Variants in FARP2 observed in about 807,000 individuals in gnomAD.
The protein encoded by FARP2 is FERM, ARHGEF and pleckstrin domain-containing protein 2.
FARP2 carries 111 observed loss-of-function variants against 130.5 expected under a neutral mutation model. The observed-to-expected ratio is 0.85, with a 90% CI of 0.73 to 1.00. The LOEUF (loss-of-function observed/expected upper bound fraction) is 1.00, where lower values mean the gene tolerates loss of function less well. FARP2 is among the 50% of genes least tolerant of loss of function. FARP2 has a pLI of 0.00. For synonymous variants in FARP2, 504 were observed against 516.9 expected (o/e 0.98, Z 0.34); for missense variants, 1,385 against 1,346.3 (o/e 1.03, Z -0.45).
At chr2:241,361,989 C>A (rs2061198154) in intron 1 of FARP2, among the ~76,000 whole-genome samples, 3 of 151,770 alleles carry the variant, frequency 2.0e-5, no homozygotes. Context: ...CCGCCTCCCA[C>A]ATTCAAGCGA....
chr2:241,491,602 C>T lies in FARP2; in HGVS notation c.2710C>T (p.Arg904Trp), dbSNP rs374237544. The T allele has an allele frequency of 8.1e-6, 13 of 1,613,608 alleles. No homozygotes were observed. The highest frequency in any genetic ancestry group is 2.7e-5 in the African/African-American group (2 of 74,920). Residue 904 changes from arginine (R) to tryptophan (W), a missense_variant, in exon 24 of 27, where the codon CGG (arginine) becomes TGG (tryptophan). Transcript: ENST00000264042. Reference sequence around the variant, plus strand: ...CTCCCTGGAGGGGCATGGCCAGCACCGGGCCAACACCACAATGCACGTGTG... The same window carrying T: ...CTCCCTGGAGGGGCATGGCCAGCACTGGGCCAACACCACAATGCACGTGTG... ...RSSLEGHGQH[R>W]ANTTMHVCWY...
chr2:241,448,890 C>T (rs1341880086), intron 13 of FARP2, among the ~76,000 whole-genome samples: 1 of 152,228 alleles, frequency 6.6e-6, no homozygotes, highest in East Asian at 1.9e-4. Flanking sequence ...GAAAGCTGTG[C>T]CATGCATCAC....
chr2:241,427,714 T>A (rs73004368), intron 8 of FARP2, among the ~76,000 whole-genome samples: 6,812 of 152,234 alleles, frequency 0.045, 255 homozygotes, highest in Non-Finnish European at 0.059. Context: ...TGAGCTATTG[T>A]TGGCCCACTT....
intron 2 of FARP2, among the ~76,000 whole-genome samples, chr2:241,396,908 A>G (rs1275992669): frequency 6.6e-6 from 1 of 152,228 alleles, no homozygotes; most frequent in East Asian, 1.9e-4. Flanking sequence ...GGCACTATTC[A>G]CAATGGCAAA....
chr2:241,406,025 C>T (rs533549022), intron 4 of FARP2, among the ~76,000 whole-genome samples: 12 of 151,984 alleles, frequency 7.9e-5, no homozygotes, highest in South Asian at 4.2e-4. Context: ...AACTGGGGGC[C>T]GGGCACGGTG....
At chr2:241,366,123 G>GTATATATATATACATATATATATATA (rs2061308421) in intron 1 of FARP2, among the ~76,000 whole-genome samples, 1 of 88,030 alleles carries the variant, frequency 1.1e-5, no homozygotes, top group Non-Finnish European at 2.2e-5. Flanking sequence ...ATATATATAC[G>GTATATATATATACATATATATATATA]TATATATATA....
At chr2:241,403,498 C>G (rs1481498347) in intron 2 of FARP2, among the ~76,000 whole-genome samples, 1 of 152,174 alleles carries the variant, frequency 6.6e-6, no homozygotes, top group Non-Finnish European at 1.5e-5. Context: ...AGGCGTGAGC[C>G]ACCGCACCTG....
At chr2:241,414,469 C>A (rs767695940) in intron 7 of FARP2, among the ~76,000 whole-genome samples, 1 of 152,142 alleles carries the variant, frequency 6.6e-6, no homozygotes, top group Non-Finnish European at 1.5e-5. Context: ...AAGGCTCTAC[C>A]GGGACCTGCT....
At chr2:241,424,275 G>A (rs1212598883) in intron 8 of FARP2, among the ~76,000 whole-genome samples, 1 of 152,136 alleles carries the variant, frequency 6.6e-6, no homozygotes, top group Non-Finnish European at 1.5e-5. Context: ...TTACACCACA[G>A]CACAATCAAA....
At chr2:241,362,297 G>C (rs961019444) in intron 1 of FARP2, among the ~76,000 whole-genome samples, 1 of 151,466 alleles carries the variant, frequency 6.6e-6, no homozygotes, top group African/African-American at 2.4e-5. Flanking sequence ...ATGGAACCCA[G>C]AGAGTGTTTA....
At chr2:241,420,134 T>C (rs1391674503) in intron 8 of FARP2, among the ~76,000 whole-genome samples, 1 of 152,158 alleles carries the variant, frequency 6.6e-6, no homozygotes, top group Non-Finnish European at 1.5e-5. Context: ...CTGGGCACCT[T>C]GAGTGAGACC....
chr2:241,395,342 A>C (rs558675590), intron 2 of FARP2: 2 of 152,182 alleles, frequency 1.3e-5, no homozygotes, highest in African/African-American at 4.8e-5. Flanking sequence ...CTAAAAATAT[A>C]TCTCTATACC....
intron 18 of FARP2, among the ~76,000 whole-genome samples, chr2:241,470,284 G>A (rs1399927912): frequency 6.6e-6 from 1 of 152,242 alleles, no homozygotes; most frequent in Admixed American, 6.5e-5. Context: ...GATGTTAAGT[G>A]TATGTTGTTG....
chr2:241,493,361 C>T lies in FARP2; in HGVS notation c.2964C>T (p.Gly988=). ...TGAGCATCCCCAGGGAGGCCGATGG[C>T]ATACACAAAGACTATGTTTTCAAGC... The part of the protein sequence containing the change: ...YSVSIPREAD[G]IHKDYVFKLQ... Residue 988 remains glycine, a synonymous_variant, in exon 26 of 27, where the codon GGC becomes GGT. Transcript: ENST00000264042. 1.9e-6 allele frequency: 3 copies of T among 1,613,968 alleles called. No individual in the cohort carries two copies. Among genetic ancestry groups the T allele is most frequent in the Non-Finnish European group, 2.5e-6 (3 of 1,179,932 alleles).
chr2:241,471,707 G>A (rs2064313984), intron 18 of FARP2, among the ~76,000 whole-genome samples: 1 of 151,992 alleles, frequency 6.6e-6, no homozygotes, highest in Admixed American at 6.6e-5. Context: ...GTGTTAGCCA[G>A]GATGGTCTCG....
intron 2 of FARP2, among the ~76,000 whole-genome samples, chr2:241,376,851 G>A (rs2061546481): frequency 6.6e-6 from 1 of 152,222 alleles, no homozygotes; most frequent in Non-Finnish European, 1.5e-5. Flanking sequence ...CCACATCCTA[G>A]TGCCTGCTTG....
intron 14 of FARP2, among the ~76,000 whole-genome samples, chr2:241,462,069 C>T (rs578178880): frequency 2.2e-4 from 34 of 152,268 alleles, no homozygotes; most frequent in Non-Finnish European, 4.6e-4. Context: ...AAACTGGGCC[C>T]GGGGTATGTT....
chr2:241,443,147 AGTG>A (rs2063431327), intron 13 of FARP2: 1 of 240,052 alleles, frequency 4.2e-6, no homozygotes, highest in Non-Finnish European at 8.3e-6. Context: ...TGCACAGACA[AGTG>A]GAGAAAGAGT....
intron 1 of FARP2, among the ~76,000 whole-genome samples, chr2:241,360,011 C>T (rs893329416): frequency 1.3e-5 from 2 of 152,168 alleles, no homozygotes; most frequent in African/African-American, 2.4e-5. Flanking sequence ...ATGAAGCCTC[C>T]TCCCTGTCTC....
Sources: allele counts gnomAD v4.1 joint callset (sites outside exome capture counted in the v4.1 genomes callset), GRCh38; gene constraint gnomAD v4.1.1; transcripts MANE v1.5; gene names NCBI Gene and HGNC (gene_info 2026-07-23, HGNC 2026-07-21).